The following NUBPL variants were observed in gnomAD, a reference collection of about 807,000 sequenced individuals.
NUBPL encodes NUBP iron-sulfur cluster assembly factor, mitochondrial, also known as iron-sulfur cluster transfer protein NUBPL.
In NUBPL, 31 loss-of-function variants were observed where a neutral mutation model predicts 45.7. The observed-to-expected ratio is 0.68, with a 90% CI of 0.51 to 0.92. NUBPL has a LOEUF of 0.92. Ranked by LOEUF, NUBPL falls within the 40% of genes least tolerant of loss-of-function variation. The pLI is 0.00. For synonymous variants in NUBPL, 144 were observed against 140.9 expected (o/e 1.02, Z -0.15); for missense variants, 401 against 398.7 (o/e 1.01, Z -0.05).
intron 6 of NUBPL, among the ~76,000 whole-genome samples, chr14:31,706,552 C>G (rs1300128703): frequency 6.6e-6 from 1 of 152,168 alleles, no homozygotes; most frequent in Non-Finnish European, 1.5e-5. Context: ...ATTTCAGAAG[C>G]CTTTTCCTGT....
chr14:31,603,151 T>G (rs956391802), intron 4 of NUBPL, among the ~76,000 whole-genome samples: 2 of 151,432 alleles, frequency 1.3e-5, no homozygotes, highest in Non-Finnish European at 2.9e-5. Flanking sequence ...AATAAAAAAA[T>G]TAGCTGGGCA....
rs201556998 is a variant in NUBPL, at chr14:31,841,928, T to G, written c.694-4543T>G. Among the ~76,000 whole-genome samples the G allele has an allele frequency of 5.2e-3, 325 of 62,934 alleles. 2 individuals carry two copies. The highest frequency in any genetic ancestry group is 0.015 in the East Asian group (20 of 1,328). The allele number at this position is 62,934 out of a possible 152,430, so 41.3% of individuals were successfully genotyped here. A position where few individuals can be genotyped will look rare whatever the true frequency, so the allele number is the denominator to read the frequency against. Reference sequence around the variant, plus strand: ...GGGTCGATTCTGGGCTTTTTTTTTTTTTTTTTTTTTTTTTTTTTTTGAGAC... The same window carrying G: ...GGGTCGATTCTGGGCTTTTTTTTTTGTTTTTTTTTTTTTTTTTTTTGAGAC... On this transcript the variant is annotated intron_variant, in intron 8 of 10. Transcript: ENST00000281081.
At position 31,698,374 on chromosome 14, in the gene NUBPL, G is replaced by A. The variant is rs202123835; in HGVS notation, c.513+24800G>A. On this transcript the variant is annotated intron_variant, in intron 6 of 10. Transcript: ENST00000281081. ...TTTTGGTCTTTTTTTTTTTTTAAGT[G>A]TTGAAAGACTATTTTAAACTGATGG... 9.8e-4 allele frequency among the ~76,000 whole-genome samples: 146 copies of A among 148,918 alleles called. 1 individual carries two copies. Among genetic ancestry groups the A allele is most frequent in the African/African-American group, 3.5e-3 (140 of 40,358 alleles).
intron 6 of NUBPL, among the ~76,000 whole-genome samples, chr14:31,754,726 T>A (rs1372510321): frequency 1.3e-5 from 2 of 151,560 alleles, no homozygotes; most frequent in East Asian, 1.9e-4. Flanking sequence ...ACTTTAAGTT[T>A]TAGGGTACAT....
At chr14:31,822,566 T>C (rs2040035406) in intron 7 of NUBPL, among the ~76,000 whole-genome samples, 1 of 152,150 alleles carries the variant, frequency 6.6e-6, no homozygotes, top group African/African-American at 2.4e-5. Flanking sequence ...TATGTTTCTG[T>C]CTTCTTCAAC....
At chr14:31,759,489 T>C (rs2038750375) in intron 6 of NUBPL, among the ~76,000 whole-genome samples, 1 of 152,120 alleles carries the variant, frequency 6.6e-6, no homozygotes, top group African/African-American at 2.4e-5. Flanking sequence ...TTTTAATATA[T>C]GTAGACATTG....
chr14:31,727,588 G>A (rs968805965), intron 6 of NUBPL, among the ~76,000 whole-genome samples: 1 of 152,178 alleles, frequency 6.6e-6, no homozygotes, highest in African/African-American at 2.4e-5. Context: ...TGGTCTTAGT[G>A]TAGAAGTATG....
chr14:31,839,771 A>C (rs1465036241), intron 8 of NUBPL, among the ~76,000 whole-genome samples: 2 of 152,210 alleles, frequency 1.3e-5, no homozygotes, highest in African/African-American at 4.8e-5. Flanking sequence ...GATTTTTTTA[A>C]ATGGGTGAAG....
chr14:31,597,047 T>G (rs1293590337), intron 3 of NUBPL, among the ~76,000 whole-genome samples: 2 of 152,138 alleles, frequency 1.3e-5, no homozygotes, highest in Non-Finnish European at 2.9e-5. Context: ...CTGTCTAATG[T>G]CCCTTTATCC....
intron 3 of NUBPL, among the ~76,000 whole-genome samples, chr14:31,565,298 C>G (rs574361649): frequency 6.6e-6 from 1 of 152,150 alleles, no homozygotes; most frequent in African/African-American, 2.4e-5. Context: ...TATCCTAAAC[C>G]AATTTTGCCT....
At chr14:31,633,639 A>G (rs1454921316) in intron 4 of NUBPL, among the ~76,000 whole-genome samples, 3 of 152,200 alleles carry the variant, frequency 2.0e-5, no homozygotes, top group African/African-American at 7.2e-5. Flanking sequence ...CATTATAAAT[A>G]ATGGTCTGGC....
intron 8 of NUBPL, among the ~76,000 whole-genome samples, chr14:31,836,971 A>G (rs570914534): frequency 1.1e-4 from 16 of 152,340 alleles, no homozygotes; most frequent in Non-Finnish European, 2.2e-4. Context: ...CATTTGGCTG[A>G]TGTAATTTCA....
chr14:31,791,515 A>T (rs1250603194), intron 7 of NUBPL, among the ~76,000 whole-genome samples: 1 of 152,134 alleles, frequency 6.6e-6, no homozygotes, highest in African/African-American at 2.4e-5. Context: ...AAATATATTT[A>T]TATATGGTAT....
At chr14:31,585,303 T>C (rs1043246874) in intron 3 of NUBPL, among the ~76,000 whole-genome samples, 17 of 152,222 alleles carry the variant, frequency 1.1e-4, no homozygotes, top group Non-Finnish European at 1.5e-5. Context: ...TTGGGCCACA[T>C]TGAAAGCTGT....
rs572812837 is a variant in NUBPL at position 31,668,083 on chromosome 14, T to G, written c.383-5272T>G. On this transcript the variant is annotated intron_variant, in intron 4 of 10. Coordinates refer to ENST00000281081, the MANE Select transcript of NUBPL (RefSeq NM_025152.3). ...GTCTCTTAGCAGAGCTTGAATGCAG[T>G]GCTAGGATAGGAGATCCCCTGCTCT... 3 of 152,478 alleles carry G rather than the reference T, an allele frequency of 2.0e-5. No individual in the cohort carries two copies. The South Asian group carries it at 6.2e-4, about 32-fold the overall frequency. 9.4% of individuals were successfully genotyped at this position (152,478 alleles called of 1,614,324 possible). A position where few individuals can be genotyped will look rare whatever the true frequency, so the allele number is the denominator to read the frequency against.
At chr14:31,604,952 G>A (rs1326559483) in intron 4 of NUBPL, among the ~76,000 whole-genome samples, 1 of 152,132 alleles carries the variant, frequency 6.6e-6, no homozygotes, top group Non-Finnish European at 1.5e-5. Flanking sequence ...TTTGTAGAAA[G>A]GGCATTATGC....
intron 6 of NUBPL, among the ~76,000 whole-genome samples, chr14:31,730,415 C>T (rs1407167684): frequency 6.6e-6 from 1 of 151,502 alleles, no homozygotes; most frequent in African/African-American, 2.4e-5. Context: ...TTGGCTCTCC[C>T]AGAAACTTGC....
intron 6 of NUBPL, among the ~76,000 whole-genome samples, chr14:31,766,693 A>G (rs1252447307): frequency 3.3e-5 from 5 of 152,190 alleles, no homozygotes; most frequent in African/African-American, 1.2e-4. Flanking sequence ...TAAAGTCTCA[A>G]AGTAATCTCT....
chr14:31,633,703 T>G (rs1389413411), intron 4 of NUBPL, among the ~76,000 whole-genome samples: 2 of 152,262 alleles, frequency 1.3e-5, no homozygotes, highest in Middle Eastern at 3.4e-3. Context: ...TATTAACTGG[T>G]TTTTCCTTAT....
Sources: gnomAD v4.1 joint callset for allele counts (sites outside exome capture counted in the v4.1 genomes callset) on GRCh38, gnomAD v4.1.1 for gene constraint, MANE v1.5 for transcripts, NCBI Gene and HGNC (gene_info 2026-07-23, HGNC 2026-07-21) for gene names.